The following PRPSAP1 variants were observed in gnomAD, a reference collection of about 807,000 sequenced individuals.
PRPSAP1 encodes phosphoribosyl pyrophosphate synthetase associated protein 1.
PRPSAP1 carries 31 observed loss-of-function variants against 39.4 expected under a neutral mutation model. That is an observed-to-expected ratio of 0.79 (90% confidence interval 0.59 to 1.06). PRPSAP1 has a LOEUF of 1.06. Ranked by LOEUF, PRPSAP1 falls within the 50% of genes least tolerant of loss-of-function variation. PRPSAP1 has a pLI of 0.00. For synonymous variants in PRPSAP1, 212 were observed against 192.6 expected, an observed-to-expected ratio of 1.10 and a Z score of -0.83; for missense variants, 430 against 511.6, an observed-to-expected ratio of 0.84 and a Z score of 1.54.
intron 2 of PRPSAP1, 119 bp from the exon 3 acceptor site, chr17:76,344,856 T>G (rs2143540008): frequency 1.5e-6 from 1 of 658,086 alleles, no homozygotes; most frequent in East Asian, 2.7e-5. Flanking sequence ...TCCTAGCACT[T>G]TAGGAGGGCT....
chr17:76,320,035 C>T (rs1278542297), intron 7 of PRPSAP1, among the ~76,000 whole-genome samples: 20 of 151,826 alleles, frequency 1.3e-4, no homozygotes, highest in African/African-American at 4.8e-4. Context: ...TTTGGGAGGC[C>T]AAGGCAGGCG....
intron 1 of PRPSAP1, among the ~76,000 whole-genome samples, chr17:76,350,685 G>T (rs1225355914): frequency 6.6e-6 from 1 of 152,114 alleles, no homozygotes; most frequent in African/African-American, 2.4e-5. Flanking sequence ...AGTGGTGATG[G>T]TTGTGCAACA....
At position 76,353,909 on chromosome 17, in the gene PRPSAP1, C is replaced by A. The variant is rs977703052; in HGVS notation, c.-206G>T. The A allele has an allele frequency of 7.8e-5, 104 of 1,325,010 alleles. No individual in the cohort carries two copies. Among genetic ancestry groups the A allele is most frequent in the Non-Finnish European group, 9.6e-5 (100 of 1,042,842 alleles). 82.1% of individuals were successfully genotyped at this position (1,325,010 alleles called of 1,614,324 possible). A position where few individuals can be genotyped will look rare whatever the true frequency, so the allele number is the denominator to read the frequency against. On this transcript the variant is annotated 5_prime_UTR_variant, in exon 1 of 10. Transcript: ENST00000446526. ...AGCGCCCGGCGCCGCCGCCTCAGAG[C>A]CAGAGGCAAGGCCACCGCCCCCTCC...
chr17:76,348,611 A>G (rs2071535934), intron 1 of PRPSAP1, 30 bp from the exon 2 acceptor site: 2 of 1,508,854 alleles, frequency 1.3e-6, no homozygotes, highest in South Asian at 2.8e-5. Flanking sequence ...AAAAAGGGAA[A>G]TTAAGATTAC....
intron 3 of PRPSAP1, among the ~76,000 whole-genome samples, chr17:76,344,419 G>A (rs796814829): frequency 2.7e-5 from 4 of 148,728 alleles, no homozygotes; most frequent in South Asian, 2.1e-4. Flanking sequence ...GTGAGCCATC[G>A]TGCCCAGCCA....
chr17:76,319,219 T>C (rs954995587), intron 7 of PRPSAP1, among the ~76,000 whole-genome samples: 1 of 152,038 alleles, frequency 6.6e-6, no homozygotes, highest in Non-Finnish European at 1.5e-5. Context: ...ATTATAGGCA[T>C]GAGCCACCAC....
intron 8 of PRPSAP1, chr17:76,313,423 T>C: frequency 4.2e-6 from 1 of 240,354 alleles, no homozygotes; most frequent in Non-Finnish European, 8.1e-6. Flanking sequence ...TATTTAGAGC[T>C]GGGAAAAAAA....
chr17:76,324,813 G>A (rs2071234534), intron 7 of PRPSAP1, among the ~76,000 whole-genome samples: 1 of 151,706 alleles, frequency 6.6e-6, no homozygotes, highest in Admixed American at 6.6e-5. Flanking sequence ...TGTAATCCCA[G>A]CACTTTGGGA....
intron 7 of PRPSAP1, among the ~76,000 whole-genome samples, chr17:76,318,773 C>T (rs1479602810): frequency 1.3e-5 from 2 of 152,154 alleles, no homozygotes; most frequent in Non-Finnish European, 2.9e-5. Context: ...AAGTAATGCA[C>T]TCTTTTCCTA....
intron 3 of PRPSAP1, among the ~76,000 whole-genome samples, chr17:76,342,099 C>A (rs1378777279): frequency 6.6e-6 from 1 of 152,022 alleles, no homozygotes; most frequent in Non-Finnish European, 1.5e-5. Flanking sequence ...GGGCATGGAC[C>A]CTCACAACCA....
rs2071304441 is a variant in PRPSAP1, at chr17:76,330,062, A to G, written c.616T>C (p.Ser206Pro). The G allele has an allele frequency of 1.2e-6, 2 of 1,613,796 alleles. No homozygotes were observed. Among genetic ancestry groups the G allele is most frequent in the South Asian group, 2.2e-5 (2 of 91,074 alleles). The change falls in exon 6 of 10, where the codon TCT becomes CCT. Residue 206 changes from serine (S) to proline (P), a missense_variant. By Grantham distance (74) the Ser-to-Pro change is moderately conservative (BLOSUM62 -1). Around this residue, in one of 2 missense-constraint regions of PRPSAP1, gnomAD observed 278 missense variants for 376.3 expected, o/e 0.74. Transcript: ENST00000446526. ...NYRNAVIVAK[S>P]PDAAKRAQSY... is the part of the protein sequence containing the mutation. Reference sequence around the variant, plus strand: ...ACTTACCTCTTTGCAGCATCAGGAGACTTAGCTACAATGACTGCATTTCTG... The same window carrying G: ...ACTTACCTCTTTGCAGCATCAGGAGGCTTAGCTACAATGACTGCATTTCTG...
At chr17:76,329,934 G>T in intron 6 of PRPSAP1, 109 bp downstream of exon 6, 3 of 954,626 alleles carry the variant, frequency 3.1e-6, no homozygotes, top group Non-Finnish European at 3.3e-6. Context: ...TAACATGAGA[G>T]CCAGTGGGCT....
chr17:76,337,816 A>C (rs2071395651), intron 3 of PRPSAP1, among the ~76,000 whole-genome samples: 1 of 152,070 alleles, frequency 6.6e-6, no homozygotes, highest in South Asian at 2.1e-4. Flanking sequence ...CATGTTGGCT[A>C]GTCTGGTCTC....
At chr17:76,333,819 G>A (rs2071351000) in intron 3 of PRPSAP1, among the ~76,000 whole-genome samples, 1 of 152,148 alleles carries the variant, frequency 6.6e-6, no homozygotes, top group Non-Finnish European at 1.5e-5. Context: ...GCTAGCTTTT[G>A]CCAAGGATAA....
chr17:76,325,059 C>T (rs1242631757), intron 7 of PRPSAP1, among the ~76,000 whole-genome samples: 1 of 119,096 alleles, frequency 8.4e-6, no homozygotes, highest in African/African-American at 3.1e-5. Flanking sequence ...GAGAGAGACT[C>T]GTCTCAAAAC....
At chr17:76,312,206 C>T (rs757628568) in intron 9 of PRPSAP1, among the ~76,000 whole-genome samples, 1 of 152,018 alleles carries the variant, frequency 6.6e-6, no homozygotes. Flanking sequence ...TTTGGGAGGC[C>T]GAGGCAGGTG....
At chr17:76,336,732 CAAAAAAAA>C (rs57399038) in intron 3 of PRPSAP1, among the ~76,000 whole-genome samples, 1,080 of 63,368 alleles carry the variant, frequency 0.017, 20 homozygotes, top group African/African-American at 0.063. Flanking sequence ...AACTCCATCT[CAAAAAAAA>C]AAAAAAAAAA....
intron 7 of PRPSAP1, among the ~76,000 whole-genome samples, chr17:76,321,593 C>T (rs1004428849): frequency 1.3e-5 from 2 of 152,052 alleles, no homozygotes; most frequent in Admixed American, 6.6e-5. Context: ...CTGCTGTTCC[C>T]GTCTCTTCCT....
intron 7 of PRPSAP1, among the ~76,000 whole-genome samples, chr17:76,320,304 A>AAAGGAAGGGAGGAAGGGAAG (rs2071177318): frequency 8.2e-5 from 2 of 24,410 alleles, no homozygotes; most frequent in Admixed American, 9.1e-4. Context: ...GAAAGAAAAG[A>AAAGGAAGGGAGGAAGGGAAG]AAGGAAGGGA....
Sources: allele counts gnomAD v4.1 joint callset (sites outside exome capture counted in the v4.1 genomes callset), GRCh38; gene constraint gnomAD v4.1.1; regional missense constraint gnomAD v4.1.1; transcripts MANE v1.5; gene names NCBI Gene and HGNC (gene_info 2026-07-23, HGNC 2026-07-21).